CEBPZ: variants seen among roughly 807,000 people sequenced by gnomAD.
CEBPZ encodes the protein CCAAT/enhancer-binding protein zeta.
A neutral mutation model predicts 104.5 loss-of-function variants in CEBPZ; 78 were observed. The ratio of observed to expected loss-of-function variants is 0.75; its 90% CI spans 0.62 to 0.90. The LOEUF (loss-of-function observed/expected upper bound fraction) is 0.90, where lower values mean the gene tolerates loss of function less well. Among genes scored for constraint, CEBPZ ranks in the 40% least tolerant of loss-of-function variants. The pLI is 0.00. For synonymous variants in CEBPZ, 470 were observed against 427.0 expected, an observed-to-expected ratio of 1.10 and a Z score of -1.24; for missense variants, 1,439 against 1,233.5, an observed-to-expected ratio of 1.17 and a Z score of -2.50.
At position 37,228,416 on chromosome 2, in the gene CEBPZ, G is replaced by C; in HGVS notation, c.777C>G (p.Ala259=). 6.2e-7 allele frequency: 1 copy of C among 1,614,138 alleles called. No individual in the cohort carries two copies. The highest frequency in any genetic ancestry group is 8.5e-7 in the Non-Finnish European group (1 of 1,180,032). The stretch of plus-strand genomic sequence containing the variant: ...TTTCTACAAACTGAAGTGTGTGAAC[G>C]GCATCATCCTGAATAAGAAGAATCA... The part of the protein sequence containing the change: ...AAMILLIQDD[A]VHTLQFVETL... Residue 259 remains alanine, a synonymous_variant, in exon 2 of 16, where the codon GCC becomes GCG. Coordinates refer to ENST00000234170, the MANE Select transcript of CEBPZ (RefSeq NM_005760.3).
rs778515617 is a variant in CEBPZ, at chr2:37,222,404, A to G, written c.2041T>C (p.Trp681Arg). The change falls in exon 4 of 16, where the codon TGG becomes CGG. Residue 681 changes from tryptophan to arginine, a missense_variant. Coordinates refer to ENST00000234170, the MANE Select transcript of CEBPZ (RefSeq NM_005760.3). ...CCTTTCAAATTATCAAAGTGCACCC[A>G]GGAAGCAACCTCTGGTTTTTTGGTT... ...VETKKPEVAS[W>R]VHFDNLKGGK... 6.3e-7 allele frequency: 1 copy of G among 1,593,606 alleles called. No individual in the cohort carries two copies. The highest frequency in any genetic ancestry group is 2.3e-5 in the East Asian group (1 of 44,346).
At chr2:37,223,522 G>T in intron 2 of CEBPZ, 121 bp from the exon 3 acceptor site, 1 of 793,144 alleles carries the variant, frequency 1.3e-6, no homozygotes, top group Non-Finnish European at 2.0e-6. Context: ...GCTTATTTTA[G>T]AACAAGAGAC....
chr2:37,211,993 C>T lies in CEBPZ; in HGVS notation c.2650G>A (p.Glu884Lys), dbSNP rs757594264. ...TCATCATCACTACCTTCTGAATCTT[C>T]ATCTAATGTGTTATCCTTAGCTCCT... Reference protein sequence around the residue: ...TKGAKDNTLDEDSEGSDDELG... With the variant: ...TKGAKDNTLDKDSEGSDDELG... The change falls in exon 12 of 16, where the codon GAA (glutamate) becomes AAA (lysine). Residue 884 changes from glutamate to lysine, a missense_variant. By Grantham distance (56) the Glu-to-Lys change is moderately conservative. Coordinates refer to ENST00000234170, the MANE Select transcript of CEBPZ (RefSeq NM_005760.3). 1.9e-6 allele frequency: 3 copies of T among 1,610,972 alleles called. No individual in the cohort carries two copies. The highest frequency in any genetic ancestry group is 2.5e-6 in the Non-Finnish European group (3 of 1,179,204).
chr2:37,225,116 C>T (rs1315392408), intron 2 of CEBPZ, among the ~76,000 whole-genome samples: 1 of 152,152 alleles, frequency 6.6e-6, no homozygotes, highest in Non-Finnish European at 1.5e-5. Context: ...ACATTTTCAG[C>T]CTTGGAACTC....
intron 5 of CEBPZ, among the ~76,000 whole-genome samples, chr2:37,219,758 T>A (rs1467306711): frequency 6.6e-6 from 1 of 152,156 alleles, no homozygotes; most frequent in Non-Finnish European, 1.5e-5. Flanking sequence ...TTGCAAAAAA[T>A]TTTATCATAA....
intron 1 of CEBPZ, among the ~76,000 whole-genome samples, chr2:37,230,451 C>T (rs889393381): frequency 3.6e-4 from 55 of 152,124 alleles, no homozygotes; most frequent in African/African-American, 1.2e-3. Flanking sequence ...AAGTTTGCAC[C>T]ACGTGTTTCA....
At position 37,201,709 on chromosome 2, in the gene CEBPZ, G is replaced by T; in HGVS notation, c.*55C>A. ...GAGAGCTAGATCAAAAAACATGGTT[G>T]AACAGCAAAAATTAGATGTAAGTAG... On this transcript the variant is annotated 3_prime_UTR_variant, in exon 16 of 16. Coordinates refer to ENST00000234170, the MANE Select transcript of CEBPZ (RefSeq NM_005760.3). 9.2e-7 allele frequency: 1 copy of T among 1,087,802 alleles called. No homozygotes were observed. The highest frequency in any genetic ancestry group is 1.4e-6 in the Non-Finnish European group (1 of 722,934). The allele number at this position is 1,087,802 out of a possible 1,614,324, so 67.4% of individuals were successfully genotyped here.
At position 37,212,372 on chromosome 2, in the gene CEBPZ, A is replaced by C; in HGVS notation, c.2566T>G (p.Cys856Gly). 1.2e-6 allele frequency: 2 copies of C among 1,613,562 alleles called. No individual in the cohort carries two copies. The highest frequency in any genetic ancestry group is 1.7e-6 in the Non-Finnish European group (2 of 1,179,728). Residue 856 changes from cysteine to glycine, a missense_variant, in exon 11 of 16, where the codon TGT (cysteine) becomes GGT (glycine). Physicochemically the swap from Cys to Gly is radical, Grantham distance 159 (BLOSUM62 -3). Coordinates refer to ENST00000234170, the MANE Select transcript of CEBPZ (RefSeq NM_005760.3). Reference sequence around the variant, plus strand: ...ATATCATCCTTTCCAGAGCTGAAACAGTTATCATCTTCAAATGTGTCTGCC... The same window carrying C: ...ATATCATCCTTTCCAGAGCTGAAACCGTTATCATCTTCAAATGTGTCTGCC... ...ELIDTFEDDN[C>G]FSSGKDDMDF...
chr2:37,203,226 C>CACT, intron 13 of CEBPZ: 1 of 329,980 alleles, frequency 3.0e-6, no homozygotes. Flanking sequence ...GTTCAGATGA[C>CACT]AAGAGTGTCT....
Position 37,227,670 on chromosome 2 carries a change from A to G in CEBPZ, c.1523T>C (p.Ile508Thr), listed in dbSNP as rs752087907. ...ATGCAACACTTTAAACAGTGTGTCA[A>G]TCTGCTCCCTTACTTTGTCATCACC... ...QTGDDKVREQIDTLFKVLHIV... is the reference protein window; with the variant it reads ...QTGDDKVREQTDTLFKVLHIV... Residue 508 changes from isoleucine (I) to threonine (T), a missense_variant, in exon 2 of 16, where the codon ATT becomes ACT. By Grantham distance (89) the Ile-to-Thr change is moderately conservative (BLOSUM62 -1). Transcript: ENST00000234170. 115 of 1,614,118 alleles carry G rather than the reference A, an allele frequency of 7.1e-5. No homozygotes were observed. The highest frequency in any genetic ancestry group is 8.9e-5 in the Non-Finnish European group (105 of 1,180,056).
chr2:37,229,103 AAC>A (rs1274319007), intron 1 of CEBPZ, 67 bp from the exon 2 acceptor site: 17 of 1,269,338 alleles, frequency 1.3e-5, no homozygotes, highest in Non-Finnish European at 1.7e-5. Flanking sequence ...AATAATAGGA[AAC>A]ACAACATAAT....
intron 4 of CEBPZ, 25 bp from the exon 5 acceptor site, chr2:37,220,498 T>C: frequency 1.6e-6 from 2 of 1,247,618 alleles, no homozygotes; most frequent in Non-Finnish European, 1.1e-6. Flanking sequence ...AAAAATACGA[T>C]TTCTCAAATG....
chr2:37,205,845 G>GATA (rs1395997209), intron 13 of CEBPZ, among the ~76,000 whole-genome samples: 18 of 152,080 alleles, frequency 1.2e-4, no homozygotes, highest in Non-Finnish European at 1.2e-4. Context: ...AATCTTGTAA[G>GATA]ATAATACTTT....
chr2:37,214,800 T>C, intron 9 of CEBPZ, 86 bp downstream of exon 9: 2 of 820,620 alleles, frequency 2.4e-6, no homozygotes, highest in Non-Finnish European at 4.0e-6. Flanking sequence ...TTGAAGTAGA[T>C]TATTTCATAA....
chr2:37,211,878 A>C lies in CEBPZ; in HGVS notation c.2765T>G (p.Met922Arg), dbSNP rs759528974. The C allele has an allele frequency of 5.0e-6, 8 of 1,609,980 alleles. No individual in the cohort carries two copies. The highest frequency in any genetic ancestry group is 5.9e-6 in the Non-Finnish European group (7 of 1,178,746). ...CTCACTTTCATCATCTAACACATCC[A>C]TGAATGTTCCTCCATCTTCATCAAC... ...AEVDEDGGTF[M>R]DVLDDESESV... Residue 922 changes from methionine (M) to arginine (R), a missense_variant, in exon 12 of 16, where the codon ATG (methionine) becomes AGG (arginine). Physicochemically the swap from Met to Arg is moderately conservative, Grantham distance 91. Transcript: ENST00000234170.
At chr2:37,206,890 C>G (rs912836199) in intron 13 of CEBPZ, among the ~76,000 whole-genome samples, 1 of 152,176 alleles carries the variant, frequency 6.6e-6, no homozygotes, top group African/African-American at 2.4e-5. Context: ...AACCAAGAAT[C>G]TGCTGTGTTC....
chr2:37,203,219 C>G (rs1362350476), intron 13 of CEBPZ: 1 of 352,510 alleles, frequency 2.8e-6, no homozygotes, highest in East Asian at 4.6e-5. Context: ...TAGAACTGTT[C>G]AGATGACAAG....
chr2:37,227,473 G>A lies in CEBPZ; in HGVS notation c.1649+71C>T, dbSNP rs918534429. 4.2e-6 allele frequency: 6 copies of A among 1,442,002 alleles called. No individual in the cohort carries two copies. In the African/African-American group the frequency reaches 8.6e-5, roughly 21 times the overall value. 89.3% of individuals were successfully genotyped at this position (1,442,002 alleles called of 1,614,324 possible). The stretch of plus-strand genomic sequence containing the variant: ...TTCTAACTCTTTTTCTTGCCCCACA[G>A]AGGGCACTGCTTGTGCTGTACTACA... On this transcript the variant is annotated intron_variant, in intron 2 of 15. Coordinates refer to ENST00000234170, the MANE Select transcript of CEBPZ (RefSeq NM_005760.3).
At chr2:37,211,297 T>A in intron 12 of CEBPZ, 3 of 380,690 alleles carry the variant, frequency 7.9e-6, no homozygotes, top group Non-Finnish European at 1.4e-5. Context: ...AGTACAAAAT[T>A]TTCTAAATAG....
Sources: gnomAD v4.1 joint callset for allele counts (sites outside exome capture counted in the v4.1 genomes callset) on GRCh38, gnomAD v4.1.1 for gene constraint, MANE v1.5 for transcripts, NCBI Gene and HGNC (gene_info 2026-07-23, HGNC 2026-07-21) for gene names.